The following RERE variants were observed in gnomAD, a reference collection of about 807,000 sequenced individuals.
RERE encodes the protein arginine-glutamic acid dipeptide repeats, also known as arginine-glutamic acid dipeptide repeats protein.
RERE carries 40 observed loss-of-function variants against 146.1 expected under a neutral mutation model. The observed-to-expected ratio is 0.27, with a 90% confidence interval of 0.21 to 0.36. RERE has a LOEUF of 0.36. Among genes scored for constraint, RERE ranks in the 10% least tolerant of loss-of-function variants. The pLI, the probability that RERE is intolerant of heterozygous loss-of-function variation, is 1.00. For missense variants in RERE, 1,933 were observed against 2,138.7 expected (o/e 0.90, Z 1.90); for synonymous variants, 1,003 against 866.0 (o/e 1.16, Z -2.78).
chr1:8,541,609 T>C (rs983600077), intron 6 of RERE, among the ~76,000 whole-genome samples: 2 of 152,058 alleles, frequency 1.3e-5, no homozygotes, highest in East Asian at 1.9e-4. Flanking sequence ...AAAGTAGAAA[T>C]GGAGAAAAAT....
chr1:8,486,517 T>C (rs1355405539), intron 10 of RERE, among the ~76,000 whole-genome samples: 3 of 151,618 alleles, frequency 2.0e-5, no homozygotes, highest in African/African-American at 4.8e-5. Flanking sequence ...TCACAACAAA[T>C]CAAAATTTGT....
In RERE at chr1:8,364,308, G is replaced by C. The variant is rs1641713310; in HGVS notation, c.1541-53C>G. Reference sequence around the variant, plus strand: ...CCTTGGAAACCATCCCTCTCCCTGGGGATGTCTGGGCAGAGGGGCCCTTCT... The same window carrying C: ...CCTTGGAAACCATCCCTCTCCCTGGCGATGTCTGGGCAGAGGGGCCCTTCT... On this transcript the variant is annotated intron_variant, in intron 14 of 22. Transcript: ENST00000400908. This position sits in a 1 kb window ranked among gnomAD's most constrained non-coding sequence, Gnocchi z 5.1. 6.5e-7 allele frequency: 1 copy of C among 1,533,430 alleles called. No homozygotes were observed. The highest frequency in any genetic ancestry group is 9.0e-7 in the Non-Finnish European group (1 of 1,108,502). The allele number at this position is 1,533,430 out of a possible 1,614,324, so 95.0% of individuals were successfully genotyped here.
intron 2 of RERE, among the ~76,000 whole-genome samples, chr1:8,652,769 C>A (rs1157073562): frequency 6.6e-6 from 1 of 152,186 alleles, no homozygotes; most frequent in Non-Finnish European, 1.5e-5. Context: ...TAGTCCCGAC[C>A]TTGACACGTG....
chr1:8,521,878 T>G (rs747197160), intron 7 of RERE, among the ~76,000 whole-genome samples: 1 of 152,160 alleles, frequency 6.6e-6, no homozygotes, highest in Non-Finnish European at 1.5e-5. Flanking sequence ...ACCGTAAGAA[T>G]AGACTTGGCC....
At position 8,397,994 on chromosome 1, in the gene RERE, G is replaced by C. The variant is rs1643112970; in HGVS notation, c.1284+24733C>G. On this transcript the variant is annotated intron_variant, in intron 12 of 22. Transcript: ENST00000400908. The stretch of plus-strand genomic sequence containing the variant: ...CCTTCAGGAGCTCAATCCAAAAAGG[G>C]AGGTGTAAGATAGAATTTCATAAGA... Among the ~76,000 whole-genome samples the C allele has an allele frequency of 2.6e-5, 4 of 152,218 alleles. No homozygotes were observed. In the South Asian group the frequency reaches 8.3e-4, roughly 31 times the overall value.
intron 7 of RERE, among the ~76,000 whole-genome samples, chr1:8,510,632 T>C (rs960292587): frequency 6.6e-6 from 1 of 152,242 alleles, no homozygotes; most frequent in African/African-American, 2.4e-5. Flanking sequence ...TACCACTATT[T>C]CCCTTCCAAC....
intron 1 of RERE, among the ~76,000 whole-genome samples, chr1:8,733,121 C>T (rs1357579582): frequency 1.3e-5 from 2 of 151,586 alleles, no homozygotes; most frequent in Non-Finnish European, 2.9e-5. Flanking sequence ...ACGCCCAGCC[C>T]GATTTTTCTA....
chr1:8,667,867 A>G (rs1000429877), intron 1 of RERE, among the ~76,000 whole-genome samples: 3 of 152,248 alleles, frequency 2.0e-5, no homozygotes, highest in Non-Finnish European at 2.9e-5. Flanking sequence ...TCTCAACTGA[A>G]CTACAATTAA....
rs181839492 is a variant in RERE at position 8,786,562 on chromosome 1, T to C, written c.-145+30598A>G. Reference sequence around the variant, plus strand: ...CCTCAGCATGTTAACTGAAGCCTTGTTGAGCTTCACAAAGGTTCCACTGAA... The same window carrying C: ...CCTCAGCATGTTAACTGAAGCCTTGCTGAGCTTCACAAAGGTTCCACTGAA... On this transcript the variant is annotated intron_variant, in intron 1 of 22. Transcript: ENST00000400908. The C allele has an allele frequency of 1.7e-4, 130 of 774,984 alleles. No homozygotes were observed. In the East Asian group the frequency reaches 3.1e-3, roughly 18 times the overall value. The allele number at this position is 774,984 out of a possible 1,614,324, so 48.0% of individuals were successfully genotyped here.
At chr1:8,556,633 T>G (rs755732674) in intron 5 of RERE, 62 bp from the exon 6 acceptor site, 2 of 1,067,806 alleles carry the variant, frequency 1.9e-6, no homozygotes, top group African/African-American at 1.6e-5. Context: ...TAAAAAAAAT[T>G]TGTAAAACTT....
chr1:8,744,212 T>C lies in RERE; in HGVS notation c.-145+72948A>G, dbSNP rs1428116350. Among the ~76,000 whole-genome samples the C allele has an allele frequency of 2.6e-5, 4 of 152,160 alleles. 1 individual carries two copies. Among genetic ancestry groups the C allele is most frequent in the Non-Finnish European group, 5.9e-5 (4 of 68,028 alleles). The stretch of plus-strand genomic sequence containing the variant: ...TTGTTATTCCAACTACACCCAAAAA[T>C]CATTAAGGCTGCCCCTGGGTGCTCA... On this transcript the variant is annotated intron_variant, in intron 1 of 22. Transcript: ENST00000400908.
chr1:8,668,954 GT>G (rs1638644043), intron 1 of RERE, among the ~76,000 whole-genome samples: 1 of 53,558 alleles, frequency 1.9e-5, no homozygotes, highest in Non-Finnish European at 3.9e-5. Context: ...GTGTGTGTGT[GT>G]GTGTGTGTTG....
intron 12 of RERE, among the ~76,000 whole-genome samples, chr1:8,368,760 A>C (rs559003696): frequency 6.6e-6 from 1 of 152,258 alleles, no homozygotes; most frequent in African/African-American, 2.4e-5. Flanking sequence ...TAACCTGCAG[A>C]TCCCAGGTTA....
chr1:8,501,245 G>A (rs1429886320), intron 8 of RERE, among the ~76,000 whole-genome samples: 5 of 143,586 alleles, frequency 3.5e-5, no homozygotes, highest in East Asian at 2.1e-4. Flanking sequence ...CGCCCCGTCC[G>A]GGAGGTGAGG....
rs978225488 is a variant in RERE, at chr1:8,561,986, G to T, written c.523-4463C>A. 1.3e-5 allele frequency among the ~76,000 whole-genome samples: 2 copies of T among 152,334 alleles called. 1 individual carries two copies. Among genetic ancestry groups the T allele is most frequent in the South Asian group, 4.1e-4 (2 of 4,826 alleles). On this transcript the variant is annotated intron_variant, in intron 4 of 22. Coordinates refer to ENST00000400908, the MANE Select transcript of RERE (RefSeq NM_001042681.2). ...TACTAAGCTATGTGACTTTGGGCAA[G>T]TAACTTCTCCAAGCCTCAATGCTCT...
At chr1:8,635,463 C>A (rs6703577) in intron 2 of RERE, among the ~76,000 whole-genome samples, 128,865 of 152,226 alleles carry the variant, frequency 0.85, 54,851 homozygotes, top group East Asian at 0.94. Flanking sequence ...TGTTCAAGCC[C>A]TAAGAGGCTC....
intron 10 of RERE, among the ~76,000 whole-genome samples, chr1:8,482,046 T>C (rs1644840812): frequency 6.6e-6 from 1 of 152,124 alleles, no homozygotes; most frequent in South Asian, 2.1e-4. Context: ...ACACGGATGA[T>C]GCCTGAAAAC....
chr1:8,593,027 T>C (rs1158942626), intron 4 of RERE, among the ~76,000 whole-genome samples: 5 of 152,198 alleles, frequency 3.3e-5, no homozygotes, highest in African/African-American at 1.2e-4. Context: ...TTGGGGTCAT[T>C]ACTACTCAGG....
chr1:8,765,357 T>C (rs940214504), intron 1 of RERE, among the ~76,000 whole-genome samples: 1 of 152,040 alleles, frequency 6.6e-6, no homozygotes, highest in Non-Finnish European at 1.5e-5. Context: ...GAGGAGGAAA[T>C]GAGGAGTAAC....
Sources: allele counts gnomAD v4.1 joint callset (sites outside exome capture counted in the v4.1 genomes callset), GRCh38; gene constraint gnomAD v4.1.1; non-coding constraint Gnocchi (gnomAD v3.1); transcripts MANE v1.5; gene names NCBI Gene and HGNC (gene_info 2026-07-23, HGNC 2026-07-21).